GYPE: variants seen among roughly 807,000 people sequenced by gnomAD.
The protein encoded by GYPE is glycophorin E (MNS blood group).
In GYPE, 8 loss-of-function variants were observed where a neutral mutation model predicts 11.6. The ratio of observed to expected loss-of-function variants is 0.69; its 90% CI spans 0.41 to 1.25. The LOEUF is 1.25. Ranked by LOEUF, GYPE falls within the 50% of genes most tolerant of loss-of-function variation. The probability of loss-of-function intolerance (pLI) is 0.01; values close to 1 mark genes in which losing one functional copy is unlikely to be tolerated. For missense variants in GYPE, 90 were observed against 92.8 expected (o/e 0.97, Z 0.12); for synonymous variants, 28 against 29.6 (o/e 0.94, Z 0.18).
At position 143,905,084 on chromosome 4, in the gene GYPE, T is replaced by G. The variant is rs148562341; in HGVS notation, c.37+387A>C. 7.2e-3 allele frequency among the ~76,000 whole-genome samples: 1,098 copies of G among 152,288 alleles called. 13 individuals carry two copies. The highest frequency in any genetic ancestry group is 0.024 in the African/African-American group (1,009 of 41,558). ...GCAGAAATAGGAAATTATACCTTTTTAAAACTAAAAGCCATATAACACCTT... is the reference window on the plus strand; with the variant it reads ...GCAGAAATAGGAAATTATACCTTTTGAAAACTAAAAGCCATATAACACCTT... On this transcript the variant is annotated intron_variant, in intron 1 of 3. Coordinates refer to ENST00000358615, the MANE Select transcript of GYPE (RefSeq NM_198682.3).
At chr4:143,889,797 A>G (rs1369255669) in intron 1 of GYPE, among the ~76,000 whole-genome samples, 3 of 152,204 alleles carry the variant, frequency 2.0e-5, no homozygotes, top group African/African-American at 4.8e-5. Context: ...AACCATTTTT[A>G]AAACAACTAG....
rs11400558 is a variant in GYPE at position 143,903,524 on chromosome 4, CA to C, written c.37+1946del. Among the ~76,000 whole-genome samples the C allele has an allele frequency of 5.7e-3, 565 of 98,844 alleles. 4 individuals are homozygous for C. Among genetic ancestry groups the C allele is most frequent in the African/African-American group, 0.021 (534 of 25,106 alleles). The allele number at this position is 98,844 out of a possible 152,430, so 64.8% of individuals were successfully genotyped here. Reference sequence around the variant, plus strand: ...CAAGGCAATCGTCTTTTTTTCATAGCAAAAAAAAAAAAAAAAAAGAAAAAAA... The same window carrying C: ...CAAGGCAATCGTCTTTTTTTCATAGCAAAAAAAAAAAAAAAAAGAAAAAAA... On this transcript the variant is annotated intron_variant, in intron 1 of 3. Coordinates refer to ENST00000358615, the MANE Select transcript of GYPE (RefSeq NM_198682.3).
intron 2 of GYPE, 92 bp downstream of exon 2, chr4:143,880,319 C>T: frequency 1.3e-6 from 2 of 1,596,942 alleles, no homozygotes; most frequent in Non-Finnish European, 1.7e-6. Context: ...CAGTGTTTGT[C>T]AGTTTCTCTG....
Position 143,903,946 on chromosome 4 carries a change from G to T in GYPE, c.37+1525C>A, listed in dbSNP as rs190073406. On this transcript the variant is annotated intron_variant, in intron 1 of 3. Coordinates refer to ENST00000358615, the MANE Select transcript of GYPE (RefSeq NM_198682.3). ...TTTTGTTTGAGTTACATCCAGTTTG[G>T]TTTGCCCCATGGAGCAACACAAAGA... 2.6e-3 allele frequency among the ~76,000 whole-genome samples: 401 copies of T among 152,160 alleles called. 4 individuals carry two copies. Among genetic ancestry groups the T allele is most frequent in the African/African-American group, 9.4e-3 (390 of 41,490 alleles).
chr4:143,902,644 C>G (rs1445619954), intron 1 of GYPE, among the ~76,000 whole-genome samples: 1 of 151,572 alleles, frequency 6.6e-6, no homozygotes, highest in Non-Finnish European at 1.5e-5. Flanking sequence ...CTTATCTCTC[C>G]TTCTCCCTCC....
chr4:143,890,086 G>A (rs1460555808), intron 1 of GYPE, among the ~76,000 whole-genome samples: 1 of 152,130 alleles, frequency 6.6e-6, no homozygotes, highest in Admixed American at 6.5e-5. Flanking sequence ...CAGCAAATCA[G>A]GGCTAAATGA....
chr4:143,902,034 A>C (rs796342051), intron 1 of GYPE, among the ~76,000 whole-genome samples: 68 of 152,172 alleles, frequency 4.5e-4, no homozygotes, highest in African/African-American at 1.4e-3. Context: ...ATGAAAAATG[A>C]TTGTAGATAC....
chr4:143,892,038 G>T (rs897059586), intron 1 of GYPE, among the ~76,000 whole-genome samples: 2 of 152,106 alleles, frequency 1.3e-5, no homozygotes, highest in Non-Finnish European at 2.9e-5. Flanking sequence ...TTTAGTCTTG[G>T]GAGAGTGTAT....
intron 3 of GYPE, chr4:143,875,447 G>T (rs543500771): frequency 1.0e-5 from 16 of 1,550,504 alleles, no homozygotes; most frequent in African/African-American, 1.4e-5. Context: ...GCATAAGCAA[G>T]AGAACAGCAG....
At chr4:143,878,766 C>G (rs1743907918) in intron 2 of GYPE, 1 of 409,516 alleles carries the variant, frequency 2.4e-6, no homozygotes, top group Non-Finnish European at 4.9e-6. Flanking sequence ...TGTGGGTTTC[C>G]TTTTCTTAAT....
At chr4:143,872,825 A>G (rs1325197318) in intron 3 of GYPE, among the ~76,000 whole-genome samples, 1 of 151,850 alleles carries the variant, frequency 6.6e-6, no homozygotes, top group African/African-American at 2.4e-5. Flanking sequence ...AGTAAGTTGG[A>G]GTTTTGGGGA....
chr4:143,878,140 G>A (rs1284657483), intron 2 of GYPE, among the ~76,000 whole-genome samples: 2 of 151,794 alleles, frequency 1.3e-5, no homozygotes, highest in Non-Finnish European at 2.9e-5. Flanking sequence ...ATTTACTTAT[G>A]TATTTGTTTT....
At chr4:143,874,515 G>C (rs1415946296) in intron 3 of GYPE, among the ~76,000 whole-genome samples, 15 of 152,196 alleles carry the variant, frequency 9.9e-5, no homozygotes. Flanking sequence ...GCTGAACATA[G>C]CAGATTTGTG....
chr4:143,885,060 C>A (rs1168906754), intron 1 of GYPE, among the ~76,000 whole-genome samples: 1 of 151,082 alleles, frequency 6.6e-6, no homozygotes, highest in East Asian at 2.0e-4. Context: ...CCAAGATAAG[C>A]AGTCCCTTTG....
At chr4:143,874,250 C>A (rs1287707694) in intron 3 of GYPE, among the ~76,000 whole-genome samples, 2 of 152,042 alleles carry the variant, frequency 1.3e-5, no homozygotes, top group East Asian at 1.9e-4. Flanking sequence ...TATAATCCCA[C>A]CAAGTGAAAT....
intron 1 of GYPE, among the ~76,000 whole-genome samples, chr4:143,896,976 GA>G (rs1362487062): frequency 2.0e-5 from 3 of 150,084 alleles, no homozygotes; most frequent in African/African-American, 4.9e-5. Flanking sequence ...ATGGACACAG[GA>G]AGGGGAACAT....
intron 1 of GYPE, among the ~76,000 whole-genome samples, chr4:143,895,620 T>C (rs1744599385): frequency 6.8e-6 from 1 of 147,436 alleles, no homozygotes; most frequent in Admixed American, 6.9e-5. Flanking sequence ...CCCATCAAGC[T>C]ACCAATGACT....
chr4:143,880,555 G>T (rs767470683), intron 1 of GYPE, 46 bp from the exon 2 acceptor site: 26 of 1,612,874 alleles, frequency 1.6e-5, no homozygotes, highest in Non-Finnish European at 2.2e-5. Context: ...CGAGGTGACT[G>T]AGCGGACCAT....
chr4:143,875,558 A>G (rs1184767618), intron 3 of GYPE: 1 of 1,550,404 alleles, frequency 6.4e-7, no homozygotes, highest in South Asian at 1.2e-5. Context: ...CTTGACCATG[A>G]GCTACGCCTC....
Sources: gnomAD v4.1 joint callset for allele counts (sites outside exome capture counted in the v4.1 genomes callset) on GRCh38, gnomAD v4.1.1 for gene constraint, MANE v1.5 for transcripts, NCBI Gene and HGNC (gene_info 2026-07-23, HGNC 2026-07-21) for gene names.